MACROD2: variants seen among roughly 807,000 people sequenced by gnomAD.
The protein encoded by MACROD2 is ADP-ribose glycohydrolase MACROD2.
In MACROD2, 36 loss-of-function variants were observed where a neutral mutation model predicts 70.4. That is an observed-to-expected ratio of 0.51 (90% CI 0.39 to 0.68). The LOEUF (loss-of-function observed/expected upper bound fraction) is 0.68, where lower values mean the gene tolerates loss of function less well. MACROD2 is among the 30% of genes least tolerant of loss of function. The pLI is 0.00. For synonymous variants in MACROD2, 172 were observed against 178.8 expected, an observed-to-expected ratio of 0.96 and a Z score of 0.30; for missense variants, 496 against 538.4, an observed-to-expected ratio of 0.92 and a Z score of 0.78.
chr20:14,527,645 C>T (rs754948677), intron 4 of MACROD2, among the ~76,000 whole-genome samples: 54 of 152,182 alleles, frequency 3.5e-4, no homozygotes, highest in Non-Finnish European at 6.5e-4. Flanking sequence ...TCACGCTGTG[C>T]ATTATGGAAT....
At chr20:15,052,189 TG>T (rs1275360033) in intron 5 of MACROD2, among the ~76,000 whole-genome samples, 1 of 152,228 alleles carries the variant, frequency 6.6e-6, no homozygotes, top group Non-Finnish European at 1.5e-5. Flanking sequence ...GATATTTATA[TG>T]TTTGTCACGG....
At chr20:15,983,954 AT>A (rs1297799646) in intron 13 of MACROD2, among the ~76,000 whole-genome samples, 1 of 152,172 alleles carries the variant, frequency 6.6e-6, no homozygotes, top group Non-Finnish European at 1.5e-5. Context: ...GCTAAATACT[AT>A]TTTATATTTA....
At chr20:15,936,320 TGTA>T (rs538273113) in intron 11 of MACROD2, among the ~76,000 whole-genome samples, 179 of 148,728 alleles carry the variant, frequency 1.2e-3, no homozygotes, top group Non-Finnish European at 2.3e-3. Context: ...TAGTTTTTCA[TGTA>T]GTATCGGAAT....
intron 6 of MACROD2, among the ~76,000 whole-genome samples, chr20:15,298,528 C>A (rs989263919): frequency 1.1e-4 from 17 of 152,206 alleles, no homozygotes; most frequent in African/African-American, 3.6e-4. Flanking sequence ...AAACACCAAA[C>A]AACCTCCAAG....
In MACROD2 at chr20:15,499,135, C is replaced by A. The variant is rs74851669; in HGVS notation, c.572-639C>A. 2.2e-3 allele frequency among the ~76,000 whole-genome samples: 331 copies of A among 152,314 alleles called. 7 individuals are homozygous for A. The East Asian group carries it at 0.058, about 27-fold the overall frequency. On this transcript the variant is annotated intron_variant, in intron 7 of 17. Transcript: ENST00000684519. ...CTGAATGTGTTTTGGAGACTCTGAG[C>A]ATGTACGCTTCTGCTCTTTGGGACA...
At chr20:15,271,194 A>G (rs973061323) in intron 6 of MACROD2, among the ~76,000 whole-genome samples, 1 of 152,194 alleles carries the variant, frequency 6.6e-6, no homozygotes. Context: ...AGATCAAAGC[A>G]CTAGCAGATT....
intron 8 of MACROD2, among the ~76,000 whole-genome samples, chr20:15,663,173 G>A (rs561097942): frequency 6.6e-6 from 1 of 151,906 alleles, no homozygotes; most frequent in East Asian, 1.9e-4. Context: ...TGGGGAAATG[G>A]ATGAATGAGA....
chr20:14,926,700 G>A (rs1158996946), intron 5 of MACROD2, among the ~76,000 whole-genome samples: 1 of 152,102 alleles, frequency 6.6e-6, no homozygotes. Context: ...CCAACCCAGA[G>A]TGTTGAACAT....
At chr20:14,072,934 G>GA (rs201463181) in intron 2 of MACROD2, among the ~76,000 whole-genome samples, 32,943 of 117,844 alleles carry the variant, frequency 0.28, 4,094 homozygotes, top group South Asian at 0.37. Context: ...ACTCCGTCTA[G>GA]AAAAAAAAAA....
intron 3 of MACROD2, among the ~76,000 whole-genome samples, chr20:14,462,672 A>G (rs1404800747): frequency 2.6e-5 from 4 of 152,120 alleles, no homozygotes; most frequent in Non-Finnish European, 4.4e-5. Context: ...TTTTAGATCT[A>G]ACATGTAAGT....
intron 4 of MACROD2, among the ~76,000 whole-genome samples, chr20:14,497,143 G>A (rs979272515): frequency 2.6e-5 from 4 of 151,708 alleles, no homozygotes; most frequent in African/African-American, 7.3e-5. Context: ...AAAACATACA[G>A]TTAAGATACG....
intron 8 of MACROD2, among the ~76,000 whole-genome samples, chr20:15,627,389 G>A (rs945012994): frequency 6.6e-6 from 1 of 152,136 alleles, no homozygotes; most frequent in South Asian, 2.1e-4. Context: ...CGGCATTGCG[G>A]TAAAGAAAGA....
rs185320504 is a variant in MACROD2 at position 15,819,109 on chromosome 20, T to C, written c.646-43636T>C. 1.5e-4 allele frequency among the ~76,000 whole-genome samples: 22 copies of C among 151,364 alleles called. No individual in the cohort carries two copies. In the Admixed American group the frequency reaches 1.5e-3, roughly 10 times the overall value. On this transcript the variant is annotated intron_variant, in intron 8 of 17. Transcript: ENST00000684519. The stretch of plus-strand genomic sequence containing the variant: ...AAGATATCTGCATTTTCATGTTCAT[T>C]GCAGCATTATTTGCAATAGCTGGGT...
chr20:14,101,245 G>A (rs969033649), intron 3 of MACROD2, among the ~76,000 whole-genome samples: 8 of 151,790 alleles, frequency 5.3e-5, no homozygotes, highest in Non-Finnish European at 8.8e-5. Context: ...GATTATTCCC[G>A]ATTTTATTGG....
intron 4 of MACROD2, among the ~76,000 whole-genome samples, chr20:14,572,256 A>C (rs1474877232): frequency 6.6e-6 from 1 of 152,172 alleles, no homozygotes; most frequent in Non-Finnish European, 1.5e-5. Flanking sequence ...GTTGGTGTTC[A>C]TTTTTGAAGA....
At chr20:15,741,400 A>G (rs2146965596) in intron 8 of MACROD2, among the ~76,000 whole-genome samples, 1 of 151,910 alleles carries the variant, frequency 6.6e-6, no homozygotes, top group East Asian at 1.9e-4. Flanking sequence ...CGCCTGGCCC[A>G]GTTATCATAT....
At chr20:15,986,357 T>C (rs1440231197) in intron 13 of MACROD2, among the ~76,000 whole-genome samples, 2 of 152,212 alleles carry the variant, frequency 1.3e-5, no homozygotes, top group Non-Finnish European at 2.9e-5. Flanking sequence ...GAATCCTCAC[T>C]ATGGGAAATA....
intron 2 of MACROD2, among the ~76,000 whole-genome samples, chr20:14,015,836 A>G (rs2052981710): frequency 6.6e-6 from 1 of 152,230 alleles, no homozygotes; most frequent in African/African-American, 2.4e-5. Context: ...GAATATTATT[A>G]CACTGTATGT....
intron 7 of MACROD2, among the ~76,000 whole-genome samples, chr20:15,467,753 T>G (rs62193892): frequency 0.13 from 20,404 of 152,144 alleles, 2,819 homozygotes; most frequent in African/African-American, 0.35. Flanking sequence ...AGTAGAACTT[T>G]GTTTATTCAT....
Sources: gnomAD v4.1 joint callset for allele counts (sites outside exome capture counted in the v4.1 genomes callset) on GRCh38, gnomAD v4.1.1 for gene constraint, MANE v1.5 for transcripts, NCBI Gene and HGNC (gene_info 2026-07-23, HGNC 2026-07-21) for gene names.